The following DPCD variants were observed in gnomAD, a reference collection of about 807,000 sequenced individuals.
DPCD encodes the protein deleted in primary ciliary dyskinesia homolog (mouse).
In DPCD, 20 loss-of-function variants were observed where a neutral mutation model predicts 26.4. The ratio of observed to expected loss-of-function variants is 0.76; its 90% CI spans 0.53 to 1.10. The LOEUF is 1.10. Ranked by LOEUF, DPCD falls within the 50% of genes least tolerant of loss-of-function variation. The pLI is 0.00. For synonymous variants in DPCD, 97 were observed against 94.2 expected (o/e 1.03, Z -0.17); for missense variants, 202 against 253.9 (o/e 0.80, Z 1.39).
Position 101,600,930 on chromosome 10 carries a change from G to C in DPCD, c.270+68G>C. On this transcript the variant is annotated intron_variant, in intron 3 of 5. Coordinates refer to ENST00000370151, the MANE Select transcript of DPCD (RefSeq NM_015448.3). The surrounding 1 kb of genome is among the most constrained non-coding windows in gnomAD (Gnocchi z 4.7). ...GGTGGGCTGTGGGCTGCTGGCTCTT[G>C]AGGGCAGGGACCATGTCTTGTTCAC... 6.2e-7 allele frequency: 1 copy of C among 1,607,760 alleles called. No individual in the cohort carries two copies. The highest frequency in any genetic ancestry group is 8.5e-7 in the Non-Finnish European group (1 of 1,178,212).
chr10:101,599,209 A>G (rs989049353), intron 2 of DPCD, among the ~76,000 whole-genome samples: 1 of 152,212 alleles, frequency 6.6e-6, no homozygotes, highest in Non-Finnish European at 1.5e-5. Flanking sequence ...AGTAGGGTAC[A>G]TGGATCTTTT....
At chr10:101,606,614 C>T (rs1469436700) in intron 4 of DPCD, among the ~76,000 whole-genome samples, 1 of 152,164 alleles carries the variant, frequency 6.6e-6, no homozygotes, top group Non-Finnish European at 1.5e-5. Flanking sequence ...ACCAGGCCCG[C>T]CCTCTTCTTC....
intron 1 of DPCD, among the ~76,000 whole-genome samples, chr10:101,592,181 C>T (rs2063614820): frequency 6.6e-6 from 1 of 152,062 alleles, no homozygotes; most frequent in Non-Finnish European, 1.5e-5. Context: ...CTGAGTGCAA[C>T]TTCTAAGGCA....
intron 1 of DPCD, among the ~76,000 whole-genome samples, chr10:101,591,461 G>A (rs2134752373): frequency 6.6e-6 from 1 of 152,196 alleles, no homozygotes; most frequent in African/African-American, 2.4e-5. Context: ...TGCATATGTG[G>A]TTAAGCCTTG....
Position 101,588,374 on chromosome 10 carries a change from C to A in DPCD, c.38C>A (p.Ala13Asp). 1 of 1,600,022 alleles carries A rather than the reference C, an allele frequency of 6.2e-7. No individual in the cohort carries two copies. The highest frequency in any genetic ancestry group is 8.5e-7 in the Non-Finnish European group (1 of 1,171,964). Residue 13 changes from alanine to aspartate, a missense_variant, in exon 1 of 6, where the codon GCC becomes GAC. Ala to Asp is a moderately radical substitution (Grantham distance 126). Transcript: ENST00000370151. ...GGCTGGTTGGAGAGTCTGCGGACAG[C>A]CCAGAAGACTGCGCTGCTGCAGGAC... ...VTGWLESLRT[A>D]QKTALLQDGR... is the part of the protein sequence containing the mutation.
Position 101,600,858 on chromosome 10 carries a change from C to G in DPCD, c.266C>G (p.Ala89Gly), listed in dbSNP as rs754778307. 1.1e-5 allele frequency: 17 copies of G among 1,614,006 alleles called. No individual in the cohort carries two copies. In the East Asian group the frequency reaches 3.6e-4, roughly 34 times the overall value. Residue 89 changes from alanine (A) to glycine (G), a missense_variant, in exon 3 of 6, where the codon GCC becomes GGC. Around this residue, in one of 3 missense-constraint regions of DPCD, gnomAD observed 118 missense variants for 145.1 expected, o/e 0.81. Coordinates refer to ENST00000370151, the MANE Select transcript of DPCD (RefSeq NM_015448.3). The surrounding 1 kb of genome is among the most constrained non-coding windows in gnomAD (Gnocchi z 4.7). ...CCTGAACTCATCAAGGAAAGCAATG[C>G]CAATGTACGTCCATCTGTCCAGGTG... is the stretch of plus-strand genomic sequence containing the variant. ...LGPELIKESNANPIFMRKDTK... is the reference protein window; with the variant it reads ...LGPELIKESNGNPIFMRKDTK...
intron 4 of DPCD, among the ~76,000 whole-genome samples, chr10:101,606,017 A>G (rs1465156213): frequency 6.6e-6 from 1 of 152,240 alleles, no homozygotes; most frequent in African/African-American, 2.4e-5. Context: ...TTAAAATGTC[A>G]TCTTTCATTG....
intron 1 of DPCD, among the ~76,000 whole-genome samples, chr10:101,594,330 G>C (rs975620943): frequency 4.6e-5 from 7 of 152,222 alleles, no homozygotes; most frequent in Non-Finnish European, 1.0e-4. Flanking sequence ...GGAGGTGATA[G>C]TGGAGGAAGA....
chr10:101,600,688 C>T lies in DPCD; in HGVS notation c.146-50C>T. On this transcript the variant is annotated intron_variant, in intron 2 of 5. Transcript: ENST00000370151. The surrounding 1 kb of genome is among the most constrained non-coding windows in gnomAD (Gnocchi z 4.7). ...GAAAAGAGCAGAGACCCTCTCTTCA[C>T]TCTCATCCTGATGCTTGCTTCTCAT... 1 of 1,594,780 alleles carries T rather than the reference C, an allele frequency of 6.3e-7. No individual in the cohort carries two copies. The highest frequency in any genetic ancestry group is 8.5e-7 in the Non-Finnish European group (1 of 1,171,174).
chr10:101,594,593 C>A lies in DPCD; in HGVS notation c.65-65C>A. The A allele has an allele frequency of 2.6e-6, 4 of 1,552,432 alleles. No homozygotes were observed. In the South Asian group the frequency reaches 3.4e-5, roughly 13 times the overall value. ...CTGGCACTGTTTCCCAGGTAGGCCCCTTGATCTGCAAGGGACAGGGCAAGG... is the reference window on the plus strand; with the variant it reads ...CTGGCACTGTTTCCCAGGTAGGCCCATTGATCTGCAAGGGACAGGGCAAGG... On this transcript the variant is annotated intron_variant, in intron 1 of 5. Transcript: ENST00000370151.
At chr10:101,598,219 C>T (rs1051771117) in intron 2 of DPCD, among the ~76,000 whole-genome samples, 1 of 151,910 alleles carries the variant, frequency 6.6e-6, no homozygotes, top group African/African-American at 2.4e-5. Flanking sequence ...CCCATTTTAG[C>T]AAGGCCCATG....
At chr10:101,594,900 G>A (rs2063639491) in intron 2 of DPCD, among the ~76,000 whole-genome samples, 162 bp downstream of exon 2, 2 of 152,054 alleles carry the variant, frequency 1.3e-5, no homozygotes, top group South Asian at 2.1e-4. Context: ...GCATAATCTG[G>A]GCACCAAAAG....
At chr10:101,593,611 CAG>C (rs1451296705) in intron 1 of DPCD, among the ~76,000 whole-genome samples, 2 of 151,978 alleles carry the variant, frequency 1.3e-5, no homozygotes, top group South Asian at 2.1e-4. Flanking sequence ...TTTTTTTAGA[CAG>C]AGTCTCACTC....
intron 4 of DPCD, among the ~76,000 whole-genome samples, chr10:101,605,845 T>A (rs183372454): frequency 1.3e-5 from 2 of 152,334 alleles, no homozygotes; most frequent in East Asian, 3.9e-4. Context: ...ATTCTCACTT[T>A]AATACGGGCT....
chr10:101,594,156 C>T (rs1427015354), intron 1 of DPCD, among the ~76,000 whole-genome samples: 13 of 118,986 alleles, frequency 1.1e-4, no homozygotes, highest in Admixed American at 9.1e-4. Flanking sequence ...GTCAGGAAAC[C>T]CAATTCAATG....
chr10:101,600,131 G>A lies in DPCD; in HGVS notation c.146-607G>A, dbSNP rs557250599. Among the ~76,000 whole-genome samples, 323 of 151,840 alleles carry A rather than the reference G, an allele frequency of 2.1e-3. 3 individuals are homozygous for A. The highest frequency in any genetic ancestry group is 7.0e-3 in the African/African-American group (289 of 41,506). On this transcript the variant is annotated intron_variant, in intron 2 of 5. Transcript: ENST00000370151. The surrounding 1 kb of genome is among the most constrained non-coding windows in gnomAD (Gnocchi z 4.7). ...ATTCACATTAGATCTTTTATAAACC[G>A]TGCATTTAAAATATGGCATGTGCCT...
intron 4 of DPCD, among the ~76,000 whole-genome samples, chr10:101,602,754 A>C (rs2063706724): frequency 6.6e-6 from 1 of 152,228 alleles, no homozygotes; most frequent in African/African-American, 2.4e-5. Flanking sequence ...CTGGGAACAA[A>C]AGTGCTTCTG....
chr10:101,606,121 CT>C (rs1393226132), intron 4 of DPCD, among the ~76,000 whole-genome samples: 2 of 152,208 alleles, frequency 1.3e-5, no homozygotes, highest in African/African-American at 4.8e-5. Context: ...AAGGGTTCAT[CT>C]TTTAGCAGAA....
At chr10:101,592,768 C>T (rs978656090) in intron 1 of DPCD, among the ~76,000 whole-genome samples, 3 of 151,868 alleles carry the variant, frequency 2.0e-5, no homozygotes, top group Admixed American at 6.6e-5. Flanking sequence ...GTAATCCCAG[C>T]CCTTTGGGAG....
Sources: allele counts gnomAD v4.1 joint callset (sites outside exome capture counted in the v4.1 genomes callset), GRCh38; gene constraint gnomAD v4.1.1; regional missense constraint gnomAD v4.1.1; non-coding constraint Gnocchi (gnomAD v3.1); transcripts MANE v1.5; gene names NCBI Gene and HGNC (gene_info 2026-07-23, HGNC 2026-07-21).